Variants in SLC6A2 observed in about 807,000 individuals in gnomAD.
The protein encoded by SLC6A2 is sodium-dependent noradrenaline transporter.
In SLC6A2, 26 loss-of-function variants were observed where a neutral mutation model predicts 71.7. The ratio of observed to expected loss-of-function variants is 0.36; its 90% CI spans 0.27 to 0.50. The LOEUF (loss-of-function observed/expected upper bound fraction) is 0.50, where lower values mean the gene tolerates loss of function less well. Among genes scored for constraint, SLC6A2 ranks in the 20% least tolerant of loss-of-function variants. The probability of loss-of-function intolerance (pLI) is 0.96; values close to 1 mark genes in which losing one functional copy is unlikely to be tolerated. For missense variants in SLC6A2, 581 were observed against 803.9 expected, an observed-to-expected ratio of 0.72 and a Z score of 3.35; for synonymous variants, 363 against 337.9, an observed-to-expected ratio of 1.07 and a Z score of -0.82.
intron 4 of SLC6A2, among the ~76,000 whole-genome samples, chr16:55,684,702 A>C (rs1483025576): frequency 6.6e-6 from 1 of 152,270 alleles, no homozygotes; most frequent in African/African-American, 2.4e-5. Context: ...CCTCTCCTCA[A>C]GTCATGACAA....
chr16:55,682,472 A>G (rs907698641), intron 4 of SLC6A2, among the ~76,000 whole-genome samples: 10 of 151,996 alleles, frequency 6.6e-5, no homozygotes, highest in Non-Finnish European at 1.5e-4. Flanking sequence ...AGTTAGAGGG[A>G]TTGTTGGGTT....
At chr16:55,671,749 A>G (rs1353922865) in intron 3 of SLC6A2, 189 bp from the exon 4 acceptor site, 4 of 1,281,798 alleles carry the variant, frequency 3.1e-6, no homozygotes, top group Middle Eastern at 2.6e-4. Flanking sequence ...AACTACCCCC[A>G]CCCCAAAATC....
At chr16:55,677,695 G>A (rs370275448) in intron 4 of SLC6A2, among the ~76,000 whole-genome samples, 21 of 128,658 alleles carry the variant, frequency 1.6e-4, no homozygotes, top group African/African-American at 5.0e-4. Context: ...TAAAAAAGAC[G>A]GGGTCTTGCT....
chr16:55,678,557 A>G (rs1442938197), intron 4 of SLC6A2, among the ~76,000 whole-genome samples: 1 of 152,168 alleles, frequency 6.6e-6, no homozygotes, highest in East Asian at 1.9e-4. Context: ...CCAGGCCTGA[A>G]GCCAAGCAGC....
intron 2 of SLC6A2, among the ~76,000 whole-genome samples, chr16:55,657,270 G>T (rs1311511172): frequency 9.9e-5 from 15 of 152,132 alleles, no homozygotes; most frequent in Admixed American, 9.8e-4. Flanking sequence ...TCATGGTAGG[G>T]GTATGGATGG....
chr16:55,702,763 T>TAAAA lies in SLC6A2; in HGVS notation c.*418_*421dup, dbSNP rs1168510484. 242 of 606,286 alleles carry TAAAA rather than the reference T, an allele frequency of 4.0e-4. 3 individuals are homozygous for TAAAA. The highest frequency in any genetic ancestry group is 2.4e-3 in the African/African-American group (104 of 43,068). 37.6% of individuals were successfully genotyped at this position (606,286 alleles called of 1,614,324 possible). The stretch of plus-strand genomic sequence containing the variant: ...TACCCCTCCCAAAAAAAAAAAAAAC[T>TAAAA]AAAACTAAAGCAAAAATCAAACAAA... On this transcript the variant is annotated 3_prime_UTR_variant, in exon 15 of 15. Transcript: ENST00000568943.
At chr16:55,670,558 G>A (rs765858955) in intron 3 of SLC6A2, among the ~76,000 whole-genome samples, 7 of 152,084 alleles carry the variant, frequency 4.6e-5, no homozygotes, top group East Asian at 1.9e-4. Context: ...GGAATCTATC[G>A]CTCTTCTTGT....
At chr16:55,669,797 C>T (rs1964854199) in intron 3 of SLC6A2, 101 bp downstream of exon 3, 1 of 1,310,322 alleles carries the variant, frequency 7.6e-7, no homozygotes, top group African/African-American at 1.5e-5. Context: ...GACCTCCTGT[C>T]ATGTGGGATT....
intron 4 of SLC6A2, among the ~76,000 whole-genome samples, chr16:55,678,708 T>C (rs1378832367): frequency 6.6e-6 from 1 of 152,232 alleles, no homozygotes; most frequent in Non-Finnish European, 1.5e-5. Flanking sequence ...AGCCTAGTAT[T>C]AATCATCTGT....
intron 3 of SLC6A2, chr16:55,671,671 A>G: frequency 1.6e-6 from 1 of 632,574 alleles, no homozygotes; most frequent in Non-Finnish European, 2.7e-6. Flanking sequence ...CGAGGGATCT[A>G]GGTTGTGTGC....
chr16:55,696,334 C>T lies in SLC6A2; in HGVS notation c.1257C>T (p.Ser419=), dbSNP rs1444598262. 6.3e-7 allele frequency: 1 copy of T among 1,584,610 alleles called. No homozygotes were observed. The highest frequency in any genetic ancestry group is 8.7e-7 in the Non-Finnish European group (1 of 1,154,042). Residue 419 remains serine (S), a synonymous_variant, in exon 9 of 15, where the codon AGC becomes AGT. Coordinates refer to ENST00000568943, the MANE Select transcript of SLC6A2 (RefSeq NM_001172501.3). ...TGCTCCTGGCGCTGGGCCTTGACAG[C>T]TCAGTGAGTGACCCTGCTTAGGATA... ...FVMLLALGLD[S]SMGGMEAVIT...
At position 55,658,884 on chromosome 16, in the gene SLC6A2, C is replaced by T. The variant is rs1964532718; in HGVS notation, c.274+1916C>T. ...CTAATCCAGAGGTGAAACTTTCCCA[C>T]CTTTGGCGGCTGCAGCCTCTCAAGC... On this transcript the variant is annotated intron_variant, in intron 2 of 14. Transcript: ENST00000568943. 3.3e-5 allele frequency among the ~76,000 whole-genome samples: 5 copies of T among 152,148 alleles called. No homozygotes were observed. In the South Asian group the frequency reaches 8.3e-4, roughly 25 times the overall value.
chr16:55,705,216 A>T lies in SLC6A2; in HGVS notation c.*2870A>T, dbSNP rs1338426926. The T allele has an allele frequency of 2.0e-6, 3 of 1,535,670 alleles. No homozygotes were observed. The African/African-American group carries it at 4.1e-5, about 21-fold the overall frequency. On this transcript the variant is annotated 3_prime_UTR_variant, in exon 15 of 15. Coordinates refer to ENST00000568943, the MANE Select transcript of SLC6A2 (RefSeq NM_001172501.3). The stretch of plus-strand genomic sequence containing the variant: ...ACCCACCTTTTAGCTTTCATTCTAG[A>T]TGAAAACGAGACAAGGGAGAAGGAG...
At chr16:55,666,590 G>C (rs1964756711) in intron 2 of SLC6A2, among the ~76,000 whole-genome samples, 1 of 152,154 alleles carries the variant, frequency 6.6e-6, no homozygotes, top group Non-Finnish European at 1.5e-5. Flanking sequence ...GTTTCCACCT[G>C]AATGAAGCTT....
chr16:55,678,766 G>C (rs768222359), intron 4 of SLC6A2, among the ~76,000 whole-genome samples: 4 of 152,144 alleles, frequency 2.6e-5, no homozygotes, highest in African/African-American at 4.8e-5. Context: ...GTAGACTTCG[G>C]AAAGCCTGGA....
intron 3 of SLC6A2, among the ~76,000 whole-genome samples, chr16:55,670,937 G>T (rs1470012995): frequency 6.6e-6 from 1 of 152,156 alleles, no homozygotes; most frequent in African/African-American, 2.4e-5. Context: ...TGTTGGGCAG[G>T]TAAACAATAC....
In SLC6A2 at chr16:55,656,819, T is replaced by C. The variant is rs549056542; in HGVS notation, c.125T>C (p.Val42Ala). ...ELLVVKERNG[V>A]QCLLAPRDGD... ...CTGGTGGTGAAGGAGCGCAACGGCG[T>C]CCAGTGCCTGCTGGCGCCCCGCGAC... Residue 42 changes from valine to alanine, a missense_variant, in exon 2 of 15, where the codon GTC becomes GCC. Val to Ala is a moderately conservative substitution (Grantham distance 64). Around this residue, in one of 5 missense-constraint regions of SLC6A2, gnomAD observed 76 missense variants for 79.9 expected, o/e 0.95. Coordinates refer to ENST00000568943, the MANE Select transcript of SLC6A2 (RefSeq NM_001172501.3). The surrounding 1 kb of genome is among the most constrained non-coding windows in gnomAD (Gnocchi z 4.5). 6.2e-7 allele frequency: 1 copy of C among 1,613,406 alleles called. No individual in the cohort carries two copies. The highest frequency in any genetic ancestry group is 1.3e-5 in the African/African-American group (1 of 75,000).
At chr16:55,657,828 A>G (rs1444448950) in intron 2 of SLC6A2, among the ~76,000 whole-genome samples, 1 of 152,156 alleles carries the variant, frequency 6.6e-6, no homozygotes, top group Non-Finnish European at 1.5e-5. Flanking sequence ...TCCAGGAAGA[A>G]TAACATAGAA....
chr16:55,701,255 C>G (rs1965963488), intron 13 of SLC6A2, among the ~76,000 whole-genome samples: 2 of 152,136 alleles, frequency 1.3e-5, no homozygotes, highest in African/African-American at 4.8e-5. Flanking sequence ...TGATACATTT[C>G]CTGTCTGTGA....
Sources: gnomAD v4.1 joint callset for allele counts (sites outside exome capture counted in the v4.1 genomes callset) on GRCh38, gnomAD v4.1.1 for gene constraint, gnomAD v4.1.1 regional missense constraint, Gnocchi (gnomAD v3.1) non-coding constraint, MANE v1.5 for transcripts, NCBI Gene and HGNC (gene_info 2026-07-23, HGNC 2026-07-21) for gene names.